Variants in IAH1 observed in about 807,000 individuals in gnomAD.
IAH1 encodes isoamyl acetate-hydrolyzing esterase 1 homolog.
In IAH1, 24 loss-of-function variants were observed where a neutral mutation model predicts 26.7. The observed-to-expected ratio is 0.90, with a 90% CI of 0.65 to 1.26. IAH1 has a LOEUF of 1.26. Among genes scored for constraint, IAH1 ranks in the 50% most tolerant of loss-of-function variants. The pLI is 0.00. For missense variants in IAH1, 300 were observed against 299.9 expected (o/e 1.00, Z 0.00); for synonymous variants, 140 against 118.5 (o/e 1.18, Z -1.18).
At position 9,474,558 on chromosome 2, in the gene IAH1, G is replaced by GCCCT; in HGVS notation, c.-9_-8insCCCT. ...CTGGCGGCCCCGCCCCGCCCCGCCCGGCTGCTCCATGGCGCTGTGCGAGGC... is the reference window on the plus strand; with the variant it reads ...CTGGCGGCCCCGCCCCGCCCCGCCCGCCCTGCTGCTCCATGGCGCTGTGCGAGGC... On this transcript the variant is annotated 5_prime_UTR_variant, in exon 1 of 6. Coordinates refer to ENST00000497473, the MANE Select transcript of IAH1 (RefSeq NM_001039613.3). This position sits in a 1 kb window ranked among gnomAD's most constrained non-coding sequence, Gnocchi z 4.3. 9.6e-7 allele frequency: 1 copy of GCCCT among 1,042,440 alleles called. No homozygotes were observed. The highest frequency in any genetic ancestry group is 1.4e-5 in the South Asian group (1 of 70,952). The allele number at this position is 1,042,440 out of a possible 1,614,324, so 64.6% of individuals were successfully genotyped here.
chr2:9,506,359 G>GTTTTT, the IAH1 span, among the ~76,000 whole-genome samples: 5 of 73,206 alleles, frequency 6.8e-5, no homozygotes, highest in South Asian at 4.8e-4. Flanking sequence ...CTTCAAATCT[G>GTTTTT]TTTTTTTTTT....
downstream of IAH1, chr2:9,493,934 C>T (rs183384401): frequency 1.7e-4 from 149 of 873,400 alleles, no homozygotes; most frequent in East Asian, 3.9e-3. Context: ...TAAAATCAAA[C>T]GTTTTCCCAT....
At chr2:9,486,236 C>G (rs13392064) in intron 5 of IAH1, 78,677 of 151,962 alleles carry the variant, frequency 0.52, 21,268 homozygotes, top group Middle Eastern at 0.67. Context: ...CAGATCTGGA[C>G]CCTAGGCCTC....
At chr2:9,482,303 C>T (rs755112698) in intron 4 of IAH1, among the ~76,000 whole-genome samples, 3 of 152,182 alleles carry the variant, frequency 2.0e-5, no homozygotes, top group Admixed American at 6.5e-5. Context: ...GCTGGGATTA[C>T]AGGCGTGAGC....
chr2:9,501,761 C>T, the IAH1 span, among the ~76,000 whole-genome samples: 1 of 152,136 alleles, frequency 6.6e-6, no homozygotes, highest in Non-Finnish European at 1.5e-5. Flanking sequence ...CCATTAAAAA[C>T]CTTGTTATAT....
At chr2:9,503,331 C>T in the IAH1 span, among the ~76,000 whole-genome samples, 5 of 152,140 alleles carry the variant, frequency 3.3e-5, no homozygotes, top group African/African-American at 4.8e-5. Flanking sequence ...AAGCCAGGCA[C>T]TGGTCTATCA....
chr2:9,501,502 G>A (rs1007991852), downstream of IAH1, among the ~76,000 whole-genome samples: 1 of 152,166 alleles, frequency 6.6e-6, no homozygotes, highest in Non-Finnish European at 1.5e-5. Flanking sequence ...GGAATATCAA[G>A]GGGATGAAGG....
At chr2:9,505,124 G>T in the IAH1 span, 1 of 1,603,980 alleles carries the variant, frequency 6.2e-7, no homozygotes, top group African/African-American at 1.3e-5. Context: ...TGGACATCTT[G>T]TTATACCAAC....
At chr2:9,487,813 T>TGC (rs1558484730) in intron 5 of IAH1, among the ~76,000 whole-genome samples, 18 of 103,232 alleles carry the variant, frequency 1.7e-4, no homozygotes, top group African/African-American at 7.3e-4. Context: ...TGTGTGTGTG[T>TGC]GTGTGTGTGT....
chr2:9,509,126 C>A, the IAH1 span, among the ~76,000 whole-genome samples: 1 of 152,154 alleles, frequency 6.6e-6, no homozygotes, highest in East Asian at 1.9e-4. Flanking sequence ...TGCACATTAG[C>A]CCACAGCCAA....
rs910989301 is a variant in IAH1 at position 9,475,289 on chromosome 2, C to G, written c.81+642C>G. 6.7e-6 allele frequency: 7 copies of G among 1,051,582 alleles called. No individual in the cohort carries two copies. The Admixed American group carries it at 1.6e-4, about 24-fold the overall frequency. The allele number at this position is 1,051,582 out of a possible 1,614,324, so 65.1% of individuals were successfully genotyped here. On this transcript the variant is annotated intron_variant, in intron 1 of 5. Transcript: ENST00000497473. ...CTCTTCTCAGACAGGACTTGCTTCA[C>G]CAGGCTTTTGTGTATACGCCAGTAA...
intron 6 of IAH1, among the ~76,000 whole-genome samples, chr2:9,496,012 C>A (rs899582004): frequency 6.6e-6 from 1 of 151,798 alleles, no homozygotes; most frequent in Non-Finnish European, 1.5e-5. Context: ...TCTTCTTTAC[C>A]TACACATTAT....
At chr2:9,475,204 T>C (rs2124890093) in intron 1 of IAH1, 1 of 1,289,360 alleles carries the variant, frequency 7.8e-7, no homozygotes, top group South Asian at 1.2e-5. Flanking sequence ...AAGGGAACGG[T>C]CTTCTAAATG....
chr2:9,475,015 G>A (rs1682398232), intron 1 of IAH1: 32 of 1,102,094 alleles, frequency 2.9e-5, no homozygotes, highest in Non-Finnish European at 3.5e-5. Flanking sequence ...GCGGGCGACC[G>A]CGCGCTGTGT....
the IAH1 span, chr2:9,505,460 G>T: frequency 7.7e-7 from 1 of 1,306,596 alleles, no homozygotes; most frequent in Non-Finnish European, 1.1e-6. Context: ...AACTCTTAAT[G>T]TAAAACCACC....
chr2:9,490,205 C>A (rs754284338), downstream of IAH1: 2 of 1,598,690 alleles, frequency 1.3e-6, no homozygotes, highest in Non-Finnish European at 8.6e-7. Context: ...GCTGTCAACA[C>A]GATTCTGACG....
At chr2:9,487,805 T>C (rs900762011) in intron 5 of IAH1, among the ~76,000 whole-genome samples, 193 of 90,976 alleles carry the variant, frequency 2.1e-3, no homozygotes, top group African/African-American at 7.6e-3. Context: ...TGTGTGTGTG[T>C]GTGTGTGTGT....
rs1390151830 is a variant in IAH1, at chr2:9,478,314, T to G, written c.227T>G (p.Leu76Trp). ...LPRLIRKGNSLDIPVAVTIFF... is the reference protein window; with the variant it reads ...LPRLIRKGNSWDIPVAVTIFF... Reference sequence around the variant, plus strand: ...AGATTAATCAGGAAAGGAAACAGTTTGGACATCCCAGTAGCAGTTACAATT... The same window carrying G: ...AGATTAATCAGGAAAGGAAACAGTTGGGACATCCCAGTAGCAGTTACAATT... The change falls in exon 3 of 6, where the codon TTG (leucine) becomes TGG (tryptophan). Residue 76 changes from leucine to tryptophan, a missense_variant. Physicochemically the swap from Leu to Trp is moderately conservative, Grantham distance 61. Coordinates refer to ENST00000497473, the MANE Select transcript of IAH1 (RefSeq NM_001039613.3). 1 of 1,613,578 alleles carries G rather than the reference T, an allele frequency of 6.2e-7. No homozygotes were observed. The highest frequency in any genetic ancestry group is 8.5e-7 in the Non-Finnish European group (1 of 1,179,708).
intron 2 of IAH1, among the ~76,000 whole-genome samples, chr2:9,477,124 A>G (rs1316119922): frequency 2.0e-5 from 3 of 152,084 alleles, no homozygotes; most frequent in Non-Finnish European, 4.4e-5. Context: ...CACACAAACA[A>G]TCTCTTAGAA....
Sources: allele counts gnomAD v4.1 joint callset (sites outside exome capture counted in the v4.1 genomes callset), GRCh38; gene constraint gnomAD v4.1.1; non-coding constraint Gnocchi (gnomAD v3.1); transcripts MANE v1.5; gene names NCBI Gene and HGNC (gene_info 2026-07-23, HGNC 2026-07-21).